Variants in PTPRD observed in about 807,000 individuals in gnomAD.
PTPRD encodes the protein receptor-type tyrosine-protein phosphatase delta.
In PTPRD, 34 loss-of-function variants were observed where a neutral mutation model predicts 214.5. That is an observed-to-expected ratio of 0.16 (90% CI 0.12 to 0.21). The LOEUF (loss-of-function observed/expected upper bound fraction) is 0.21. Among genes scored for constraint, PTPRD ranks in the 10% least tolerant of loss-of-function variants. PTPRD has a pLI of 1.00. For missense variants in PTPRD, 2,545 were observed against 2,398.7 expected (o/e 1.06, Z -1.27); for synonymous variants, 1,128 against 845.7 (o/e 1.33, Z -5.79).
chr9:9,301,175 C>G (rs928545162), intron 9 of PTPRD, among the ~76,000 whole-genome samples: 10 of 151,786 alleles, frequency 6.6e-5, no homozygotes, highest in Admixed American at 5.3e-4. Flanking sequence ...ACTAATTTTA[C>G]ATATATGATT....
intron 20 of PTPRD, among the ~76,000 whole-genome samples, chr9:8,519,454 T>C (rs184645654): frequency 2.0e-5 from 3 of 152,324 alleles, no homozygotes; most frequent in Admixed American, 2.0e-4. Context: ...GGCATTCTAA[T>C]AGTTGACTCT....
At chr9:9,504,102 T>C (rs2096509035) in intron 8 of PTPRD, among the ~76,000 whole-genome samples, 1 of 151,694 alleles carries the variant, frequency 6.6e-6, no homozygotes, top group African/African-American at 2.4e-5. Flanking sequence ...CCAAAGTAAA[T>C]ATCATTTTCC....
intron 9 of PTPRD, among the ~76,000 whole-genome samples, chr9:9,202,034 G>C (rs73641258): frequency 1.3e-5 from 2 of 152,094 alleles, no homozygotes; most frequent in African/African-American, 4.8e-5. Context: ...TGCAAGAAGT[G>C]CTTGTTTCAA....
chr9:10,345,601 T>C (rs2097060448), intron 2 of PTPRD, among the ~76,000 whole-genome samples: 1 of 152,234 alleles, frequency 6.6e-6, no homozygotes, highest in Non-Finnish European at 1.5e-5. Flanking sequence ...GAACTCATCC[T>C]TTTTGTGGCT....
At chr9:8,574,123 G>A (rs1201855817) in intron 14 of PTPRD, among the ~76,000 whole-genome samples, 3 of 151,726 alleles carry the variant, frequency 2.0e-5, no homozygotes, top group African/African-American at 7.3e-5. Flanking sequence ...GATACTGCAC[G>A]GAACATGCTA....
At chr9:8,345,285 T>G (rs1392984301) in intron 39 of PTPRD, among the ~76,000 whole-genome samples, 1 of 152,024 alleles carries the variant, frequency 6.6e-6, no homozygotes, top group Admixed American at 6.6e-5. Flanking sequence ...TGCCCTGAAG[T>G]CCTACAGTCA....
chr9:8,745,231 G>C (rs998223120), intron 11 of PTPRD, among the ~76,000 whole-genome samples: 2 of 152,198 alleles, frequency 1.3e-5, no homozygotes, highest in East Asian at 1.9e-4. Flanking sequence ...AAATGCACAA[G>C]TGAGTAGTCT....
At chr9:8,847,225 T>C (rs916389746) in intron 11 of PTPRD, among the ~76,000 whole-genome samples, 8 of 152,118 alleles carry the variant, frequency 5.3e-5, no homozygotes, top group Non-Finnish European at 1.0e-4. Flanking sequence ...TGTTAAATAG[T>C]AAAAGTCGGA....
chr9:8,620,519 G>T (rs1055943421), intron 14 of PTPRD, among the ~76,000 whole-genome samples: 1 of 152,002 alleles, frequency 6.6e-6, no homozygotes, highest in Non-Finnish European at 1.5e-5. Context: ...AGTGATGGTG[G>T]TGGTGGTACT....
At position 8,317,157 on chromosome 9, in the gene PTPRD, A is replaced by C. The variant is rs1418624344; in HGVS notation, c.*717T>G. On this transcript the variant is annotated 3_prime_UTR_variant, in exon 46 of 46. Transcript: ENST00000381196. Reference sequence around the variant, plus strand: ...TACTGTAGATTGAGTTTTGCACAAAAATGTGCAAATTTTCAAATGATTTGA... The same window carrying C: ...TACTGTAGATTGAGTTTTGCACAAACATGTGCAAATTTTCAAATGATTTGA... 2.2e-5 allele frequency: 5 copies of C among 231,912 alleles called. No homozygotes were observed. The Admixed American group carries it at 2.3e-4, about 10-fold the overall frequency. 14.4% of individuals were successfully genotyped at this position (231,912 alleles called of 1,614,324 possible). A position where few individuals can be genotyped will look rare whatever the true frequency, so the allele number is the denominator to read the frequency against.
At chr9:9,799,678 G>A (rs2099026280) in intron 5 of PTPRD, 1 of 152,114 alleles carries the variant, frequency 6.6e-6, no homozygotes, top group Non-Finnish European at 1.5e-5. Context: ...CAATAAAAAG[G>A]GGGGTAAGCA....
intron 10 of PTPRD, among the ~76,000 whole-genome samples, chr9:9,086,943 G>A (rs971125134): frequency 2.0e-5 from 3 of 152,118 alleles, no homozygotes; most frequent in African/African-American, 7.2e-5. Flanking sequence ...ATGCCATGGG[G>A]AAGAGAAGAA....
chr9:9,390,918 G>A (rs527302748), intron 9 of PTPRD, among the ~76,000 whole-genome samples: 25 of 152,264 alleles, frequency 1.6e-4, no homozygotes, highest in Middle Eastern at 3.4e-3. Flanking sequence ...AGTGTTTGTT[G>A]TCATTGATAA....
chr9:9,775,954 C>CAAAAAAAAAAAAAAAAAAAA (rs59412193), intron 5 of PTPRD, among the ~76,000 whole-genome samples: 1 of 28,924 alleles, frequency 3.5e-5, no homozygotes, highest in Non-Finnish European at 5.9e-5. Flanking sequence ...GACTCTGTCT[C>CAAAAAAAAAAAAAAAAAAAA]AAAAAAAAAA....
chr9:8,847,456 C>T (rs2097721273), intron 11 of PTPRD, among the ~76,000 whole-genome samples: 1 of 152,040 alleles, frequency 6.6e-6, no homozygotes, highest in Admixed American at 6.6e-5. Context: ...AAACATATGG[C>T]TAAATAGGCC....
chr9:9,351,252 T>G lies in PTPRD; in HGVS notation c.-203+46197A>C, dbSNP rs114019421. On this transcript the variant is annotated intron_variant, in intron 9 of 45. Coordinates refer to ENST00000381196, the MANE Select transcript of PTPRD (RefSeq NM_002839.4). ...AAACTGAAATTTCTAAAATACATCTTGTAGGAAAGAGAACATAAAAAGAGG... is the reference window on the plus strand; with the variant it reads ...AAACTGAAATTTCTAAAATACATCTGGTAGGAAAGAGAACATAAAAAGAGG... 3.6e-3 allele frequency among the ~76,000 whole-genome samples: 554 copies of G among 152,036 alleles called. 3 individuals carry two copies. Among genetic ancestry groups the G allele is most frequent in the African/African-American group, 0.013 (540 of 41,492 alleles).
intron 9 of PTPRD, among the ~76,000 whole-genome samples, chr9:9,352,171 G>A (rs576020836): frequency 2.0e-5 from 3 of 151,728 alleles, no homozygotes; most frequent in African/African-American, 4.8e-5. Flanking sequence ...TTCCCTATGT[G>A]CACATGAAGA....
intron 9 of PTPRD, among the ~76,000 whole-genome samples, chr9:9,393,070 T>C (rs1464560487): frequency 6.6e-6 from 1 of 152,110 alleles, no homozygotes; most frequent in Non-Finnish European, 1.5e-5. Context: ...AAAGTTTTTC[T>C]CTTTTTCCTT....
chr9:8,655,313 T>A (rs1341808081), intron 12 of PTPRD, among the ~76,000 whole-genome samples: 2 of 152,306 alleles, frequency 1.3e-5, no homozygotes, highest in East Asian at 1.9e-4. Context: ...TGTTTTATAA[T>A]TGTAAGTAGA....
Sources: allele counts gnomAD v4.1 joint callset (sites outside exome capture counted in the v4.1 genomes callset), GRCh38; gene constraint gnomAD v4.1.1; transcripts MANE v1.5; gene names NCBI Gene and HGNC (gene_info 2026-07-23, HGNC 2026-07-21).